TSPEAR: variants seen among roughly 807,000 people sequenced by gnomAD.
TSPEAR encodes the protein thrombospondin-type laminin G domain and EAR repeat-containing protein.
A neutral mutation model predicts 71.6 loss-of-function variants in TSPEAR; 69 were observed. The ratio of observed to expected loss-of-function variants is 0.96; its 90% CI spans 0.79 to 1.18. TSPEAR has a LOEUF of 1.18. TSPEAR is among the 50% of genes most tolerant of loss of function. The probability of loss-of-function intolerance (pLI) is 0.00; values close to 1 mark genes in which losing one functional copy is unlikely to be tolerated. For missense variants in TSPEAR, 971 were observed against 894.9 expected, an observed-to-expected ratio of 1.09 and a Z score of -1.09; for synonymous variants, 402 against 387.2, an observed-to-expected ratio of 1.04 and a Z score of -0.45.
chr21:44,563,683 G>A (rs1466796974), intron 2 of TSPEAR, among the ~76,000 whole-genome samples: 4 of 152,120 alleles, frequency 2.6e-5, no homozygotes, highest in African/African-American at 9.7e-5. Flanking sequence ...GATTTTCATT[G>A]TTAGTAGTAA....
intron 1 of TSPEAR, among the ~76,000 whole-genome samples, chr21:44,656,172 C>T (rs1985132396): frequency 6.6e-6 from 1 of 152,178 alleles, no homozygotes; most frequent in South Asian, 2.1e-4. Context: ...AGCTAGTCAC[C>T]AAGTAATCCA....
intron 1 of TSPEAR, chr21:44,677,125 T>C (rs587690335): frequency 4.8e-5 from 34 of 715,054 alleles, no homozygotes; most frequent in South Asian, 4.7e-4. Flanking sequence ...GACCACATTA[T>C]CCAGATCAAC....
intron 1 of TSPEAR, among the ~76,000 whole-genome samples, chr21:44,621,703 C>A (rs942102090): frequency 6.6e-6 from 1 of 152,206 alleles, no homozygotes; most frequent in Non-Finnish European, 1.5e-5. Flanking sequence ...ATTTCTCTCC[C>A]AGTTGTTTGA....
intron 1 of TSPEAR, chr21:44,627,895 G>A (rs201392626): frequency 0.01 from 16,708 of 1,612,010 alleles, 106 homozygotes; most frequent in Non-Finnish European, 0.012. Flanking sequence ...GTGCAGGCCC[G>A]CCTGCTGCGT....
At position 44,658,151 on chromosome 21, in the gene TSPEAR, G is replaced by A. The variant is rs372556665; in HGVS notation, c.82+53282C>T. The stretch of plus-strand genomic sequence containing the variant: ...CTGCCAGCCCTCCGTGTGCGTGCCC[G>A]TGAGCTGCAGGCCCATCATATATGT... On this transcript the variant is annotated intron_variant, in intron 1 of 11. Transcript: ENST00000323084. The A allele has an allele frequency of 1.6e-4, 262 of 1,614,104 alleles. No homozygotes were observed. In the African/African-American group the frequency reaches 2.8e-3, roughly 17 times the overall value.
At chr21:44,633,262 T>G (rs1315631618) in intron 1 of TSPEAR, among the ~76,000 whole-genome samples, 1 of 152,186 alleles carries the variant, frequency 6.6e-6, no homozygotes, top group Non-Finnish European at 1.5e-5. Context: ...TTCTTCCTTC[T>G]TCTAGGTTTT....
chr21:44,592,631 T>C, intron 1 of TSPEAR: 2 of 1,283,444 alleles, frequency 1.6e-6, no homozygotes, highest in South Asian at 3.1e-5. Flanking sequence ...GGATTAGGGG[T>C]GTTTGTTCGC....
At chr21:44,649,165 A>T (rs1305200888) in intron 1 of TSPEAR, among the ~76,000 whole-genome samples, 1 of 152,176 alleles carries the variant, frequency 6.6e-6, no homozygotes, top group Non-Finnish European at 1.5e-5. Context: ...GGTGTCTGTA[A>T]GGCGAGGACA....
chr21:44,498,274 A>G lies in TSPEAR; in HGVS notation c.*1509T>C, dbSNP rs1217687800. On this transcript the variant is annotated 3_prime_UTR_variant, in exon 12 of 12. Coordinates refer to ENST00000323084, the MANE Select transcript of TSPEAR (RefSeq NM_144991.3). ...CTTGGTTGAGTGAATTGGGGTGTCGAGTTTTTAATCTTCCTTTCACAGGTG... is the reference window on the plus strand; with the variant it reads ...CTTGGTTGAGTGAATTGGGGTGTCGGGTTTTTAATCTTCCTTTCACAGGTG... 6.6e-6 allele frequency: 1 copy of G among 152,224 alleles called. No homozygotes were observed. Among genetic ancestry groups the G allele is most frequent in the Non-Finnish European group, 1.5e-5 (1 of 68,066 alleles). 9.4% of individuals were successfully genotyped at this position (152,224 alleles called of 1,614,324 possible).
At chr21:44,614,227 C>T (rs587715426) in intron 1 of TSPEAR, among the ~76,000 whole-genome samples, 38 of 152,376 alleles carry the variant, frequency 2.5e-4, no homozygotes, top group Admixed American at 7.8e-4. Context: ...CCCTCTACAC[C>T]CATTCAAGCA....
At chr21:44,638,742 G>C (rs1983834817) in intron 1 of TSPEAR, among the ~76,000 whole-genome samples, 1 of 152,016 alleles carries the variant, frequency 6.6e-6, no homozygotes, top group African/African-American at 2.4e-5. Flanking sequence ...AGCTGCCTCT[G>C]GAACCAAGGC....
chr21:44,627,369 C>G lies in TSPEAR; in HGVS notation c.83-59364G>C, dbSNP rs782794352. 19 of 1,613,760 alleles carry G rather than the reference C, an allele frequency of 1.2e-5. No individual in the cohort carries two copies. In the Admixed American group the frequency reaches 1.3e-4, roughly 11 times the overall value. On this transcript the variant is annotated intron_variant, in intron 1 of 11. Coordinates refer to ENST00000323084, the MANE Select transcript of TSPEAR (RefSeq NM_144991.3). ...GCCAGGTGACCTGTGAGCCCAGCCC[C>G]TGCCAATCAGGCTGCACCAGCTCCT...
At chr21:44,652,112 T>C (rs886430615) in intron 1 of TSPEAR, among the ~76,000 whole-genome samples, 4 of 150,062 alleles carry the variant, frequency 2.7e-5, no homozygotes, top group African/African-American at 4.9e-5. Context: ...GCCTCCCGAA[T>C]AGCTGGGAGT....
At chr21:44,508,369 G>T in intron 10 of TSPEAR, 1 of 567,106 alleles carries the variant, frequency 1.8e-6, no homozygotes, top group Non-Finnish European at 2.3e-6. Context: ...AGGGGCAGGT[G>T]AATTGTTACC....
At position 44,645,857 on chromosome 21, in the gene TSPEAR, C is replaced by T. The variant is rs146801651; in HGVS notation, c.82+65576G>A. ...ACAAAAGCTTGCTTGAAATATTTTC[C>T]GGCCGGACGCGGTGGCTCACGCCTG... On this transcript the variant is annotated intron_variant, in intron 1 of 11. Coordinates refer to ENST00000323084, the MANE Select transcript of TSPEAR (RefSeq NM_144991.3). Among the ~76,000 whole-genome samples, 1,231 of 151,888 alleles carry T rather than the reference C, an allele frequency of 8.1e-3. 11 individuals carry two copies. The highest frequency in any genetic ancestry group is 0.028 in the African/African-American group (1,163 of 41,422).
Position 44,509,204 on chromosome 21 carries a change from G to GGT in TSPEAR, c.1747_1748dup (p.Cys584ProfsTer31), listed in dbSNP as rs2052285596. ...TGGCCTGTGGAGGCGCATACCTGCA[G>GGT]GTGAGAATGTCCTGGAACTTGACAA... is the stretch of plus-strand genomic sequence containing the variant. On this transcript the variant is annotated frameshift_variant, in exon 10 of 12. Coordinates refer to ENST00000323084, the MANE Select transcript of TSPEAR (RefSeq NM_144991.3). LOFTEE classifies it high-confidence loss of function. 6.2e-7 allele frequency: 1 copy of GGT among 1,613,662 alleles called. No individual in the cohort carries two copies. Among genetic ancestry groups the GGT allele is most frequent in the Admixed American group, 1.7e-5 (1 of 59,990 alleles).
At chr21:44,634,391 A>G (rs1983423982) in intron 1 of TSPEAR, among the ~76,000 whole-genome samples, 1 of 152,252 alleles carries the variant, frequency 6.6e-6, no homozygotes, top group South Asian at 2.1e-4. Flanking sequence ...TTAGAAGGAA[A>G]CATAAGAGTA....
intron 11 of TSPEAR, among the ~76,000 whole-genome samples, chr21:44,504,282 T>A (rs1464377163): frequency 8.6e-6 from 1 of 116,154 alleles, no homozygotes; most frequent in African/African-American, 3.5e-5. Context: ...GAAGCAGGGC[T>A]CTGGGAGGAA....
At chr21:44,510,656 C>T (rs1555912548) in intron 9 of TSPEAR, 1 of 152,318 alleles carries the variant, frequency 6.6e-6, no homozygotes, top group African/African-American at 2.4e-5. Context: ...GTGCGTTCTC[C>T]ACGCCCAGCA....
Sources: gnomAD v4.1 joint callset for allele counts (sites outside exome capture counted in the v4.1 genomes callset) on GRCh38, gnomAD v4.1.1 for gene constraint, MANE v1.5 for transcripts, NCBI Gene and HGNC (gene_info 2026-07-23, HGNC 2026-07-21) for gene names.